The following PMVK variants were observed in gnomAD, a reference collection of about 807,000 sequenced individuals.
The protein encoded by PMVK is phosphomevalonate kinase.
PMVK carries 10 observed loss-of-function variants against 19.0 expected under a neutral mutation model. The observed-to-expected ratio is 0.53, with a 90% CI of 0.32 to 0.89. The LOEUF is 0.89. Ranked by LOEUF, PMVK falls within the 40% of genes least tolerant of loss-of-function variation. The pLI is 0.03. For synonymous variants in PMVK, 108 were observed against 101.6 expected, an observed-to-expected ratio of 1.06 and a Z score of -0.38; for missense variants, 222 against 251.1, an observed-to-expected ratio of 0.88 and a Z score of 0.78.
At chr1:154,936,276 C>T (rs548456254) in intron 1 of PMVK, 27 of 512,868 alleles carry the variant, frequency 5.3e-5, no homozygotes, top group African/African-American at 5.2e-4. Context: ...GAGGCGGGGT[C>T]TCGCCATGTT....
intron 3 of PMVK, among the ~76,000 whole-genome samples, chr1:154,928,774 AAAAT>A (rs55948301): frequency 0.018 from 2,499 of 142,060 alleles, 43 homozygotes; most frequent in African/African-American, 0.055. Context: ...CTCCATCTCA[AAAAT>A]AAATAAATAA....
chr1:154,940,242 A>C (rs1338911085), upstream of PMVK, among the ~76,000 whole-genome samples: 2 of 152,202 alleles, frequency 1.3e-5, no homozygotes, highest in Non-Finnish European at 1.5e-5. Flanking sequence ...GTGTCTGCCT[A>C]TCCTGCTCTA....
rs137902262 is a variant in PMVK at position 154,926,418 on chromosome 1, C to T, written c.378G>A (p.Thr126=). ...QWFREAYGAV[T]QTVRVVALEQ... is the part of the protein sequence containing the mutation. ...CCAACGCTACAACGCGGACCGTCTG[C>T]GTCACGGCCCCATAGGCCTCCCGAA... Residue 126 remains threonine, a synonymous_variant, in exon 4 of 5, where the codon ACG becomes ACA. Transcript: ENST00000368467. 470 of 1,613,872 alleles carry T rather than the reference C, an allele frequency of 2.9e-4. 1 individual carries two copies. The African/African-American group carries it at 4.5e-3, about 15-fold the overall frequency.
At chr1:154,937,511 C>T (rs560408608), upstream of PMVK, 74 of 152,360 alleles carry the variant, frequency 4.9e-4, no homozygotes, top group Middle Eastern at 3.4e-3. Flanking sequence ...TGCCTGGTTT[C>T]ATCCGAAGTC....
At chr1:154,933,781 C>T (rs1350401530) in intron 1 of PMVK, among the ~76,000 whole-genome samples, 2 of 151,594 alleles carry the variant, frequency 1.3e-5, no homozygotes, top group East Asian at 3.9e-4. Context: ...CGTGAGCCAC[C>T]GCACACGGCC....
At chr1:154,931,065 G>A (rs1435150567) in intron 2 of PMVK, among the ~76,000 whole-genome samples, 9 of 152,114 alleles carry the variant, frequency 5.9e-5, no homozygotes, top group Non-Finnish European at 2.9e-5. Context: ...TCCAGCCTGC[G>A]CTACAGAGCA....
intron 3 of PMVK, among the ~76,000 whole-genome samples, chr1:154,926,880 A>T (rs1374384766): frequency 6.6e-6 from 1 of 152,158 alleles, no homozygotes; most frequent in Non-Finnish European, 1.5e-5. Flanking sequence ...ATTACAGTGT[A>T]TGTCAACAAG....
chr1:154,934,471 C>T (rs1654440298), intron 1 of PMVK, among the ~76,000 whole-genome samples: 1 of 152,170 alleles, frequency 6.6e-6, no homozygotes, highest in African/African-American at 2.4e-5. Context: ...CATGCACCAC[C>T]ATACCCAGCT....
Position 154,925,071 on chromosome 1 carries a change from G to C in PMVK, c.*58C>G. The C allele has an allele frequency of 7.1e-7, 1 of 1,407,544 alleles. No individual in the cohort carries two copies. The highest frequency in any genetic ancestry group is 1.2e-5 in the South Asian group (1 of 80,726). 87.2% of individuals were successfully genotyped at this position (1,407,544 alleles called of 1,614,324 possible). A position where few individuals can be genotyped will look rare whatever the true frequency, so the allele number is the denominator to read the frequency against. The stretch of plus-strand genomic sequence containing the variant: ...CAGGATCGGGGGACACCCCCATTTT[G>C]CAGAGTCAGCCCCACCCCCACCTCA... On this transcript the variant is annotated 3_prime_UTR_variant, in exon 5 of 5. Transcript: ENST00000368467.
In PMVK at chr1:154,932,407, G is replaced by C. The variant is rs375325579; in HGVS notation, c.104C>G (p.Ala35Gly). The C allele has an allele frequency of 6.2e-7, 1 of 1,610,306 alleles. No homozygotes were observed. The highest frequency in any genetic ancestry group is 1.7e-5 in the Admixed American group (1 of 59,610). The change falls in exon 2 of 5, where the codon GCT becomes GGT. Residue 35 changes from alanine to glycine, a missense_variant. Transcript: ENST00000368467. Reference sequence around the variant, plus strand: ...GAGCCGGAGGACAGCACAGACATCAGCTCCAAGTCTGCAGGACAGGGAGAT... The same window carrying C: ...GAGCCGGAGGACAGCACAGACATCACCTCCAAGTCTGCAGGACAGGGAGAT... Reference protein sequence around the residue: ...VTEALQSRLGADVCAVLRLSG... With the variant: ...VTEALQSRLGGDVCAVLRLSG...
At chr1:154,927,060 G>T (rs74116247) in intron 3 of PMVK, among the ~76,000 whole-genome samples, 15,701 of 152,036 alleles carry the variant, frequency 0.1, 1,894 homozygotes, top group African/African-American at 0.3. Context: ...GGCAAATCCT[G>T]TTGGTTTTCT....
chr1:154,927,933 T>TA (rs1270726761), intron 3 of PMVK, among the ~76,000 whole-genome samples: 8 of 152,154 alleles, frequency 5.3e-5, no homozygotes, highest in Non-Finnish European at 8.8e-5. Context: ...CACTGCCTGA[T>TA]ATATTCTGTA....
Position 154,936,606 on chromosome 1 carries a change from T to C in PMVK, c.80A>G (p.Glu27Gly). ...TCACGGACACCTGCTCTGCAGCGCC[T>C]CGGTCACGAAGTCCTTCCCGGATTT... is the stretch of plus-strand genomic sequence containing the variant. The part of the protein sequence containing the change: ...KRKSGKDFVT[E>G]ALQSRLGADV... Residue 27 changes from glutamate to glycine, a missense_variant, in exon 1 of 5, where the codon GAG (glutamate) becomes GGG (glycine). Coordinates refer to ENST00000368467, the MANE Select transcript of PMVK (RefSeq NM_006556.4). 2 of 1,605,962 alleles carry C rather than the reference T, an allele frequency of 1.2e-6. No individual in the cohort carries two copies. The highest frequency in any genetic ancestry group is 1.1e-5 in the South Asian group (1 of 89,288).
intron 3 of PMVK, 92 bp downstream of exon 3, chr1:154,928,932 G>T: frequency 7.7e-7 from 1 of 1,290,904 alleles, no homozygotes; most frequent in Non-Finnish European, 1.1e-6. Flanking sequence ...GGGGGCTTGG[G>T]CCAGGATGGT....
upstream of PMVK, chr1:154,937,688 C>A (rs1654554071): frequency 6.6e-6 from 1 of 152,220 alleles, no homozygotes; most frequent in South Asian, 2.1e-4. Flanking sequence ...CATGTCAGAA[C>A]AGAGCCTGCA....
chr1:154,935,083 A>C (rs1430116922), intron 1 of PMVK, among the ~76,000 whole-genome samples: 1 of 151,306 alleles, frequency 6.6e-6, no homozygotes, highest in Non-Finnish European at 1.5e-5. Context: ...AAAAAAAAAA[A>C]AAACATGAGG....
chr1:154,934,644 T>A (rs917610636), intron 1 of PMVK, among the ~76,000 whole-genome samples: 1 of 152,190 alleles, frequency 6.6e-6, no homozygotes, highest in Non-Finnish European at 1.5e-5. Flanking sequence ...AAAATAAATA[T>A]AGCCAACATT....
At chr1:154,930,485 A>C (rs1396205428) in intron 2 of PMVK, among the ~76,000 whole-genome samples, 1 of 151,876 alleles carries the variant, frequency 6.6e-6, no homozygotes, top group Non-Finnish European at 1.5e-5. Flanking sequence ...TAAATAAATA[A>C]ATAAAAATGC....
At chr1:154,930,841 T>C (rs1654312886) in intron 2 of PMVK, among the ~76,000 whole-genome samples, 1 of 152,164 alleles carries the variant, frequency 6.6e-6, no homozygotes, top group African/African-American at 2.4e-5. Flanking sequence ...TCCTAGCACT[T>C]TGGGAGGCCA....
Sources: allele counts gnomAD v4.1 joint callset (sites outside exome capture counted in the v4.1 genomes callset), GRCh38; gene constraint gnomAD v4.1.1; transcripts MANE v1.5; gene names NCBI Gene and HGNC (gene_info 2026-07-23, HGNC 2026-07-21).